ABI3BP: variants seen among roughly 807,000 people sequenced by gnomAD.
ABI3BP encodes the protein target of Nesh-SH3.
ABI3BP carries 216 observed loss-of-function variants against 268.6 expected under a neutral mutation model. The observed-to-expected ratio is 0.80, with a 90% CI of 0.72 to 0.90. The LOEUF (loss-of-function observed/expected upper bound fraction) is 0.90. Among genes scored for constraint, ABI3BP ranks in the 40% least tolerant of loss-of-function variants. ABI3BP has a pLI of 0.00. For missense variants in ABI3BP, 2,090 were observed against 2,182.4 expected, an observed-to-expected ratio of 0.96 and a Z score of 0.84; for synonymous variants, 730 against 730.0, an observed-to-expected ratio of 1.00 and a Z score of 0.00.
intron 1 of ABI3BP, among the ~76,000 whole-genome samples, chr3:100,930,098 CAGTT>C (rs781618575): frequency 3.4e-4 from 52 of 152,018 alleles, no homozygotes; most frequent in Non-Finnish European, 6.5e-4. Context: ...CATCTTTCAA[CAGTT>C]AGTATAAAGA....
intron 31 of ABI3BP, 151 bp downstream of exon 31, chr3:100,832,113 G>A (rs1420990155): frequency 1.6e-6 from 1 of 613,122 alleles, no homozygotes; most frequent in Non-Finnish European, 2.7e-6. Flanking sequence ...AGCAAGAGAT[G>A]CTAAGCTATT....
intron 63 of ABI3BP, among the ~76,000 whole-genome samples, chr3:100,762,852 C>T (rs922510548): frequency 1.3e-5 from 2 of 152,088 alleles, no homozygotes; most frequent in East Asian, 1.9e-4. Flanking sequence ...ACCTTTACAT[C>T]CATATGTATT....
At position 100,849,203 on chromosome 3, in the gene ABI3BP, A is replaced by G. The variant is rs939668081; in HGVS notation, c.1502-328T>C. 2.0e-5 allele frequency among the ~76,000 whole-genome samples: 3 copies of G among 151,802 alleles called. No homozygotes were observed. In the East Asian group the frequency reaches 5.8e-4, roughly 29 times the overall value. On this transcript the variant is annotated intron_variant, in intron 17 of 67. Coordinates refer to ENST00000471714, the MANE Select transcript of ABI3BP (RefSeq NM_001375547.2). ...CATTGAATAGCAGGAGAGAAGCACA[A>G]ATAATGGAAATTTGGAACTACTTTT... is the stretch of plus-strand genomic sequence containing the variant.
At chr3:100,987,508 G>T (rs190113099) in intron 1 of ABI3BP, among the ~76,000 whole-genome samples, 49 of 152,094 alleles carry the variant, frequency 3.2e-4, no homozygotes, top group Non-Finnish European at 5.6e-4. Context: ...TAAACCTCAG[G>T]TTCTAAATTT....
chr3:100,937,272 T>C (rs2066581990), intron 1 of ABI3BP, among the ~76,000 whole-genome samples: 1 of 152,096 alleles, frequency 6.6e-6, no homozygotes, highest in South Asian at 2.1e-4. Context: ...GTCTAACCAC[T>C]TGGGAAAATG....
intron 15 of ABI3BP, 68 bp downstream of exon 15, chr3:100,851,807 C>T: frequency 7.3e-7 from 1 of 1,374,144 alleles, no homozygotes; most frequent in Admixed American, 2.5e-5. Flanking sequence ...TCTGCAAAAA[C>T]TAAAGGAAGA....
chr3:100,948,343 A>G (rs1399501626), intron 1 of ABI3BP, among the ~76,000 whole-genome samples: 1 of 152,186 alleles, frequency 6.6e-6, no homozygotes, highest in East Asian at 1.9e-4. Flanking sequence ...TCAGAACAAG[A>G]TTTGATTTCA....
intron 14 of ABI3BP, among the ~76,000 whole-genome samples, chr3:100,854,130 C>T (rs1461046977): frequency 2.0e-5 from 3 of 150,182 alleles, no homozygotes; most frequent in Non-Finnish European, 3.0e-5. Flanking sequence ...GCGGGTAAAT[C>T]CCTTGAGGTT....
chr3:100,778,482 C>T, intron 58 of ABI3BP, 106 bp from the exon 59 acceptor site: 1 of 931,744 alleles, frequency 1.1e-6, no homozygotes. Context: ...TGATAATTAG[C>T]AGTTGGATGA....
rs2095250899 is a variant in ABI3BP, at chr3:100,750,507, A to C, written c.5349T>G (p.Pro1783=). 6.2e-7 allele frequency: 1 copy of C among 1,611,616 alleles called. No individual in the cohort carries two copies. The highest frequency in any genetic ancestry group is 8.5e-7 in the Non-Finnish European group (1 of 1,178,582). ...VQWYECGTTI[P]GKW ...CTTTGTGCAGCATCTACCATTTTCCAGGAATTGTAGTCCCACATTCATACC... is the reference window on the plus strand; with the variant it reads ...CTTTGTGCAGCATCTACCATTTTCCCGGAATTGTAGTCCCACATTCATACC... Residue 1783 remains proline (P), a synonymous_variant, in exon 68 of 68, where the codon CCT becomes CCG. Transcript: ENST00000471714.
At chr3:100,777,195 C>T (rs2096729625) in intron 59 of ABI3BP, among the ~76,000 whole-genome samples, 1 of 152,238 alleles carries the variant, frequency 6.6e-6, no homozygotes, top group Non-Finnish European at 1.5e-5. Context: ...CACTCCCTTT[C>T]ATGGCGATCC....
At chr3:100,814,152 T>C (rs182240472) in intron 44 of ABI3BP, among the ~76,000 whole-genome samples, 2 of 152,010 alleles carry the variant, frequency 1.3e-5, no homozygotes, top group Admixed American at 6.6e-5. Flanking sequence ...AATTCTAAAA[T>C]AGTTATTGCT....
At chr3:100,974,045 C>G (rs928536435) in intron 1 of ABI3BP, among the ~76,000 whole-genome samples, 1 of 151,930 alleles carries the variant, frequency 6.6e-6, no homozygotes, top group African/African-American at 2.4e-5. Flanking sequence ...GATATGGACT[C>G]AAAACTTACC....
At chr3:100,910,065 T>C (rs943684940) in intron 2 of ABI3BP, among the ~76,000 whole-genome samples, 4 of 151,788 alleles carry the variant, frequency 2.6e-5, no homozygotes, top group Non-Finnish European at 5.9e-5. Context: ...GTGGCACATA[T>C]ACACTATGCA....
intron 2 of ABI3BP, chr3:100,911,314 A>C (rs2056363441): frequency 7.0e-6 from 2 of 285,706 alleles, no homozygotes; most frequent in Non-Finnish European, 6.9e-6. Flanking sequence ...CGAATGAAGA[A>C]ATTCAGAATC....
Position 100,777,515 on chromosome 3 carries a change from T to G in ABI3BP, c.4333+769A>C, listed in dbSNP as rs144482464. Among the ~76,000 whole-genome samples, 313 of 152,316 alleles carry G rather than the reference T, an allele frequency of 2.1e-3. 2 individuals carry two copies. The highest frequency in any genetic ancestry group is 7.3e-3 in the African/African-American group (305 of 41,566). On this transcript the variant is annotated intron_variant, in intron 59 of 67. Coordinates refer to ENST00000471714, the MANE Select transcript of ABI3BP (RefSeq NM_001375547.2). Reference sequence around the variant, plus strand: ...ACCAAGGACTTTGTCATCACAGAGCTCACAGTCTATTGGGGAAGAAAAGTA... The same window carrying G: ...ACCAAGGACTTTGTCATCACAGAGCGCACAGTCTATTGGGGAAGAAAAGTA...
chr3:100,908,124 A>T (rs1189114123), intron 2 of ABI3BP, among the ~76,000 whole-genome samples: 1 of 151,992 alleles, frequency 6.6e-6, no homozygotes, highest in East Asian at 1.9e-4. Flanking sequence ...CTAAAAAAAA[A>T]AAAAAGAAAA....
intron 1 of ABI3BP, among the ~76,000 whole-genome samples, chr3:100,944,674 T>C (rs2071244161): frequency 1.3e-5 from 2 of 152,196 alleles, no homozygotes; most frequent in South Asian, 2.1e-4. Flanking sequence ...TGGTTTTATC[T>C]GCCATCTTTG....
chr3:100,986,324 C>A (rs1444147315), intron 1 of ABI3BP, among the ~76,000 whole-genome samples: 1 of 152,232 alleles, frequency 6.6e-6, no homozygotes, highest in Non-Finnish European at 1.5e-5. Flanking sequence ...CCAGTACCTT[C>A]ACTGTTGCCT....
Sources: allele counts gnomAD v4.1 joint callset (sites outside exome capture counted in the v4.1 genomes callset), GRCh38; gene constraint gnomAD v4.1.1; transcripts MANE v1.5; gene names NCBI Gene and HGNC (gene_info 2026-07-23, HGNC 2026-07-21).